The following KATNIP variants were observed in gnomAD, a reference collection of about 807,000 sequenced individuals.
KATNIP encodes katanin-interacting protein.
A neutral mutation model predicts 174.0 loss-of-function variants in KATNIP; 126 were observed. That is an observed-to-expected ratio of 0.72 (90% CI 0.63 to 0.84). The LOEUF (loss-of-function observed/expected upper bound fraction) is 0.84, where lower values mean the gene tolerates loss of function less well. KATNIP is among the 40% of genes least tolerant of loss of function. KATNIP has a pLI of 0.00. For synonymous variants in KATNIP, 810 were observed against 835.7 expected, an observed-to-expected ratio of 0.97 and a Z score of 0.53; for missense variants, 1,958 against 2,109.7, an observed-to-expected ratio of 0.93 and a Z score of 1.41.
chr16:27,690,039 A>G (rs889337591), intron 8 of KATNIP, among the ~76,000 whole-genome samples: 6 of 152,152 alleles, frequency 3.9e-5, no homozygotes, highest in Non-Finnish European at 8.8e-5. Context: ...GCAGTGCCTC[A>G]TGCGTGTAAG....
At chr16:27,749,439 G>A (rs917652103) in intron 15 of KATNIP, 145 bp from the exon 16 acceptor site, 20 of 966,194 alleles carry the variant, frequency 2.1e-5, no homozygotes, top group Admixed American at 5.4e-5. Context: ...GGAGACAGCC[G>A]GGAACAACCC....
intron 1 of KATNIP, among the ~76,000 whole-genome samples, chr16:27,568,856 C>T (rs1055113499): frequency 1.3e-5 from 2 of 152,106 alleles, no homozygotes; most frequent in Non-Finnish European, 2.9e-5. Context: ...CTTTTATTCT[C>T]CAAAACCTGA....
At position 27,778,565 on chromosome 16, in the gene KATNIP, TCATGA is replaced by T; in HGVS notation, c.4802-6_4802-2del. ...GTAACTCTGGTCCCTCTGTTCCCTG[TCATGA>T]CAGCCTTACGTCCCAAAACCTGCAT... On this transcript the variant is annotated splice_region_variant and splice_polypyrimidine_tract_variant and intron_variant, in intron 27 of 27. Transcript: ENST00000261588. 1 of 1,613,442 alleles carries T rather than the reference TCATGA, an allele frequency of 6.2e-7. No individual in the cohort carries two copies. Among genetic ancestry groups the T allele is most frequent in the South Asian group, 1.1e-5 (1 of 90,980 alleles).
Position 27,698,440 on chromosome 16 carries a change from C to A in KATNIP, c.1053C>A (p.Asn351Lys), listed in dbSNP as rs772125845. The A allele has an allele frequency of 1.4e-5, 23 of 1,613,522 alleles. No homozygotes were observed. Among genetic ancestry groups the A allele is most frequent in the Non-Finnish European group, 1.9e-5 (22 of 1,179,822 alleles). Reference protein sequence around the residue: ...SAVLQAIQVENAALQRALLSR... With the variant: ...SAVLQAIQVEKAALQRALLSR... ...TGCTCCAAGCCATCCAGGTGGAGAA[C>A]GCAGCCCTGCAGAGGGCGCTCCTCA... The change falls in exon 9 of 28, where the codon AAC (asparagine) becomes AAA (lysine). Residue 351 changes from asparagine to lysine, a missense_variant. Physicochemically the swap from Asn to Lys is moderately conservative, Grantham distance 94. Transcript: ENST00000261588.
At chr16:27,703,783 A>C (rs2079192125) in intron 11 of KATNIP, 113 bp from the exon 12 acceptor site, 2 of 814,936 alleles carry the variant, frequency 2.5e-6, no homozygotes, top group Non-Finnish European at 4.3e-6. Flanking sequence ...TACAGAGTGC[A>C]TACTTCCCCT....
chr16:27,652,973 T>C (rs1294742277), intron 6 of KATNIP, among the ~76,000 whole-genome samples: 8 of 152,034 alleles, frequency 5.3e-5, no homozygotes, highest in Non-Finnish European at 1.5e-5. Flanking sequence ...CACTCCAGCC[T>C]GGGTGACAGA....
intron 2 of KATNIP, among the ~76,000 whole-genome samples, chr16:27,584,338 G>A (rs1306695019): frequency 6.6e-6 from 1 of 151,994 alleles, no homozygotes; most frequent in Non-Finnish European, 1.5e-5. Flanking sequence ...CAAAGGTTGG[G>A]TGGGGTCAAC....
intron 13 of KATNIP, among the ~76,000 whole-genome samples, chr16:27,720,431 T>G (rs891223588): frequency 2.0e-5 from 3 of 151,584 alleles, no homozygotes; most frequent in Non-Finnish European, 2.9e-5. Flanking sequence ...GGGCAGACAT[T>G]AGGAGGCACA....
chr16:27,722,147 T>C (rs1158610417), intron 14 of KATNIP: 1 of 159,638 alleles, frequency 6.3e-6, no homozygotes, highest in Non-Finnish European at 1.4e-5. Context: ...TCAGCAGGTC[T>C]GGAGCAGGGC....
intron 18 of KATNIP, among the ~76,000 whole-genome samples, chr16:27,760,082 C>G (rs1348588159): frequency 1.3e-5 from 2 of 152,076 alleles, no homozygotes; most frequent in Non-Finnish European, 2.9e-5. Flanking sequence ...GTCAGGTGAC[C>G]CAGCCCCTCT....
At chr16:27,662,041 TACAC>T (rs1180827281) in intron 6 of KATNIP, among the ~76,000 whole-genome samples, 1 of 21,404 alleles carries the variant, frequency 4.7e-5, no homozygotes, top group Non-Finnish European at 9.7e-5. Context: ...TATATATATA[TACAC>T]ATACATATAT....
intron 7 of KATNIP, chr16:27,678,991 C>T (rs931132167): frequency 1.3e-5 from 2 of 152,362 alleles, no homozygotes; most frequent in African/African-American, 4.8e-5. Context: ...GCTGGCCTGG[C>T]CTCTGCCTGC....
At chr16:27,632,506 A>G in intron 5 of KATNIP, 1 of 426,446 alleles carries the variant, frequency 2.3e-6, no homozygotes, top group Non-Finnish European at 4.9e-6. Flanking sequence ...GCAGGATCTG[A>G]GGGTGGAGGT....
chr16:27,698,257 G>T, intron 8 of KATNIP, 71 bp from the exon 9 acceptor site: 1 of 1,423,634 alleles, frequency 7.0e-7, no homozygotes, highest in Non-Finnish European at 9.6e-7. Flanking sequence ...CCTCAATTGG[G>T]GTCTAATGGG....
chr16:27,674,583 G>T (rs1406478702), intron 6 of KATNIP, among the ~76,000 whole-genome samples: 1 of 152,162 alleles, frequency 6.6e-6, no homozygotes, highest in African/African-American at 2.4e-5. Flanking sequence ...TGATCTTCCT[G>T]CTTCTCTCTC....
At chr16:27,740,953 C>T (rs1257339666) in intron 15 of KATNIP, 33 bp downstream of exon 15, 2 of 1,551,176 alleles carry the variant, frequency 1.3e-6, no homozygotes, top group African/African-American at 2.7e-5. Context: ...ACTTGGGCAT[C>T]ATCATCCCAG....
intron 15 of KATNIP, among the ~76,000 whole-genome samples, chr16:27,743,403 A>T (rs1385307554): frequency 6.6e-6 from 1 of 152,168 alleles, no homozygotes; most frequent in South Asian, 2.1e-4. Flanking sequence ...TCAGACTCCA[A>T]GTGTTATCCT....
At chr16:27,754,129 C>A (rs2081621571) in intron 17 of KATNIP, 44 bp from the exon 18 acceptor site, 1 of 1,556,770 alleles carries the variant, frequency 6.4e-7, no homozygotes, top group Non-Finnish European at 8.9e-7. Context: ...GTGGGTATCA[C>A]TAAAACCACC....
chr16:27,682,783 G>A (rs1449128969), intron 8 of KATNIP, among the ~76,000 whole-genome samples: 1 of 152,128 alleles, frequency 6.6e-6, no homozygotes, highest in Non-Finnish European at 1.5e-5. Flanking sequence ...CTGAGAGGTG[G>A]GCCCTTTAAG....
Sources: allele counts gnomAD v4.1 joint callset (sites outside exome capture counted in the v4.1 genomes callset), GRCh38; gene constraint gnomAD v4.1.1; transcripts MANE v1.5; gene names NCBI Gene and HGNC (gene_info 2026-07-23, HGNC 2026-07-21).